The following TRIM58 variants were observed in gnomAD, a reference collection of about 807,000 sequenced individuals.
The protein encoded by TRIM58 is tripartite motif containing 58.
TRIM58 carries 38 observed loss-of-function variants against 34.1 expected under a neutral mutation model. That is an observed-to-expected ratio of 1.12 (90% CI 0.86 to 1.46). The LOEUF (loss-of-function observed/expected upper bound fraction) is 1.46. Among genes scored for constraint, TRIM58 ranks in the 40% most tolerant of loss-of-function variants. The pLI, the probability that TRIM58 is intolerant of heterozygous loss-of-function variation, is 0.00. For missense variants in TRIM58, 677 were observed against 642.0 expected, an observed-to-expected ratio of 1.05 and a Z score of -0.59; for synonymous variants, 273 against 275.7, an observed-to-expected ratio of 0.99 and a Z score of 0.10.
chr1:247,868,561 G>A (rs999666500), intron 5 of TRIM58, among the ~76,000 whole-genome samples: 2 of 152,132 alleles, frequency 1.3e-5, no homozygotes, highest in Non-Finnish European at 2.9e-5. Context: ...ATAGCACCAG[G>A]TTCCCCGGGT....
In TRIM58 at chr1:247,864,741, G is replaced by C. The variant is rs1274107668; in HGVS notation, c.553G>C (p.Glu185Gln). ...VEMQRQRFRL[E>Q]FEKHRGFLAQ... ...AATGCAGAGGCAGCGCTTCAGATTG[G>C]AGTTTGAGAAGCATCGTGGCTTTCT... The change falls in exon 3 of 6, where the codon GAG becomes CAG. Residue 185 changes from glutamate to glutamine, a missense_variant. Coordinates refer to ENST00000366481, the MANE Select transcript of TRIM58 (RefSeq NM_015431.4). 5 of 1,614,208 alleles carry C rather than the reference G, an allele frequency of 3.1e-6. No individual in the cohort carries two copies. Among genetic ancestry groups the C allele is most frequent in the Non-Finnish European group, 4.2e-6 (5 of 1,180,052 alleles).
In TRIM58 at chr1:247,864,844, A is replaced by G. The variant is rs1663884417; in HGVS notation, c.656A>G (p.Lys219Arg). 1.3e-5 allele frequency: 21 copies of G among 1,613,062 alleles called. No individual in the cohort carries two copies. Among genetic ancestry groups the G allele is most frequent in the Non-Finnish European group, 1.8e-5 (21 of 1,179,856 alleles). The change falls in exon 3 of 6, where the codon AAG becomes AGG. Residue 219 changes from lysine (K) to arginine (R), a missense_variant. Lys to Arg is a conservative substitution (Grantham distance 26, BLOSUM62 2). Coordinates refer to ENST00000366481, the MANE Select transcript of TRIM58 (RefSeq NM_015431.4). ...ACGCTGCAGAGACTGCGGGAGAGCAAGAGCCGGCTGGTCCAGCAGAGCAAG... is the reference window on the plus strand; with the variant it reads ...ACGCTGCAGAGACTGCGGGAGAGCAGGAGCCGGCTGGTCCAGCAGAGCAAG... ...RATLQRLRES[K>R]SRLVQQSKAL...
intron 5 of TRIM58, among the ~76,000 whole-genome samples, chr1:247,872,463 G>A (rs1659154300): frequency 6.6e-6 from 1 of 152,194 alleles, no homozygotes; most frequent in African/African-American, 2.4e-5. Flanking sequence ...CCAAGGTTTT[G>A]GATCTTGCGA....
intron 5 of TRIM58, among the ~76,000 whole-genome samples, chr1:247,869,310 G>A (rs546724817): frequency 1.5e-3 from 221 of 151,976 alleles, no homozygotes; most frequent in Non-Finnish European, 2.5e-3. Context: ...CCTCTTCAGA[G>A]GTGGGGGGGG....
In TRIM58 at chr1:247,857,251, C is replaced by T. The variant is rs1004303005; in HGVS notation, c.5C>T (p.Ala2Val). The change falls in exon 1 of 6, where the codon GCC (alanine) becomes GTC (valine). Residue 2 changes from alanine to valine, a missense_variant. Transcript: ENST00000366481. M[A>V]WAPPGERLRE... is the part of the protein sequence containing the mutation. The stretch of plus-strand genomic sequence containing the variant: ...CAGCCCTCCGGGAGGCGGGTCATGG[C>T]CTGGGCGCCGCCCGGGGAGCGGCTG... The T allele has an allele frequency of 7.5e-7, 1 of 1,326,888 alleles. No individual in the cohort carries two copies. The allele number at this position is 1,326,888 out of a possible 1,614,324, so 82.2% of individuals were successfully genotyped here.
chr1:247,858,567 T>C (rs372420855), intron 1 of TRIM58, among the ~76,000 whole-genome samples: 8 of 152,126 alleles, frequency 5.3e-5, no homozygotes, highest in African/African-American at 1.9e-4. Context: ...TTTATTTTGT[T>C]TGTTTTAAAT....
intron 5 of TRIM58, among the ~76,000 whole-genome samples, chr1:247,871,993 A>G (rs74152855): frequency 1.8e-3 from 269 of 152,336 alleles, no homozygotes; most frequent in African/African-American, 6.1e-3. Flanking sequence ...AGCAGAAATG[A>G]GCGCCAAGGC....
At chr1:247,874,687 C>T (rs113298407) in intron 5 of TRIM58, among the ~76,000 whole-genome samples, 12 of 152,142 alleles carry the variant, frequency 7.9e-5, no homozygotes, top group African/African-American at 1.9e-4. Flanking sequence ...TGTTATATAA[C>T]GCATAACTAC....
In TRIM58 at chr1:247,879,935, T is replaced by C. The variant is rs1659372835; in HGVS notation, c.*3446T>C. Among the ~76,000 whole-genome samples, 1 of 151,930 alleles carries C rather than the reference T, an allele frequency of 6.6e-6. No individual in the cohort carries two copies. The highest frequency in any genetic ancestry group is 1.5e-5 in the Non-Finnish European group (1 of 68,000). ...TTTGTTCCCCATACAGTACGTGTCG[T>C]CGTACTATATTGTTAGGCTTATTTA... On this transcript the variant is annotated 3_prime_UTR_variant, in exon 6 of 6. Transcript: ENST00000366481.
At position 247,876,297 on chromosome 1, in the gene TRIM58, A is replaced by G; in HGVS notation, c.1269A>G (p.Ser423=). The change falls in exon 6 of 6, where the codon TCA becomes TCG. Residue 423 remains serine (S), a synonymous_variant. Coordinates refer to ENST00000366481, the MANE Select transcript of TRIM58 (RefSeq NM_015431.4). ...IFLDYEAGEI[S]FYNVTDGSYI... is the part of the protein sequence containing the mutation. ...TGGACTATGAAGCCGGTGAAATTTC[A>G]TTCTACAATGTCACAGATGGATCTT... 2 of 1,614,174 alleles carry G rather than the reference A, an allele frequency of 1.2e-6. No homozygotes were observed. Among genetic ancestry groups the G allele is most frequent in the Non-Finnish European group, 1.7e-6 (2 of 1,180,034 alleles).
At chr1:247,858,395 C>G (rs1194402253) in intron 1 of TRIM58, among the ~76,000 whole-genome samples, 3 of 152,130 alleles carry the variant, frequency 2.0e-5, no homozygotes, top group Non-Finnish European at 4.4e-5. Flanking sequence ...TACTGGTGCC[C>G]TTCAAAAGTT....
At chr1:247,869,820 A>G (rs1659057049) in intron 5 of TRIM58, among the ~76,000 whole-genome samples, 1 of 152,262 alleles carries the variant, frequency 6.6e-6, no homozygotes, top group South Asian at 2.1e-4. Flanking sequence ...AAAGGCATAG[A>G]AAAAGTCTAA....
Position 247,876,738 on chromosome 1 carries a change from T to G in TRIM58, c.*249T>G, listed in dbSNP as rs756754966. 8 of 485,688 alleles carry G rather than the reference T, an allele frequency of 1.6e-5. No homozygotes were observed. The highest frequency in any genetic ancestry group is 2.2e-5 in the Non-Finnish European group (6 of 275,518). 30.1% of individuals were successfully genotyped at this position (485,688 alleles called of 1,614,324 possible). A position where few individuals can be genotyped will look rare whatever the true frequency, so the allele number is the denominator to read the frequency against. ...TCTAGATCACATTTTCTTGATGTCT[T>G]CCTTCAAATTAATGACCTTGGATTA... On this transcript the variant is annotated 3_prime_UTR_variant, in exon 6 of 6. Coordinates refer to ENST00000366481, the MANE Select transcript of TRIM58 (RefSeq NM_015431.4).
chr1:247,857,391 G>C lies in TRIM58; in HGVS notation c.145G>C (p.Gly49Arg), dbSNP rs1288965906. The C allele has an allele frequency of 6.6e-7, 1 of 1,523,980 alleles. No individual in the cohort carries two copies. The highest frequency in any genetic ancestry group is 2.7e-5 in the East Asian group (1 of 36,922). 94.4% of individuals were successfully genotyped at this position (1,523,980 alleles called of 1,614,324 possible). Residue 49 changes from glycine to arginine, a missense_variant, in exon 1 of 6, where the codon GGC becomes CGC. Physicochemically the swap from Gly to Arg is moderately radical, Grantham distance 125. Coordinates refer to ENST00000366481, the MANE Select transcript of TRIM58 (RefSeq NM_015431.4). Reference protein sequence around the residue: ...CISEFCEKSDGAQGGVYACPQ... With the variant: ...CISEFCEKSDRAQGGVYACPQ... Reference sequence around the variant, plus strand: ...CTCCGAGTTCTGCGAGAAGTCGGACGGCGCGCAGGGCGGCGTCTACGCCTG... The same window carrying C: ...CTCCGAGTTCTGCGAGAAGTCGGACCGCGCGCAGGGCGGCGTCTACGCCTG...
intron 5 of TRIM58, among the ~76,000 whole-genome samples, chr1:247,868,876 T>C (rs1276486342): frequency 1.3e-5 from 2 of 152,200 alleles, no homozygotes; most frequent in Non-Finnish European, 2.9e-5. Context: ...GTGTGTTCAG[T>C]GATCTGGAAG....
At chr1:247,869,542 G>A (rs1664011619) in intron 5 of TRIM58, among the ~76,000 whole-genome samples, 2 of 152,234 alleles carry the variant, frequency 1.3e-5, no homozygotes, top group African/African-American at 4.8e-5. Flanking sequence ...TCATAGGCAT[G>A]GTGAATGTAG....
Position 247,857,623 on chromosome 1 carries a change from C to T in TRIM58, c.377C>T (p.Thr126Met). The T allele has an allele frequency of 8.0e-7, 1 of 1,247,636 alleles. No individual in the cohort carries two copies. Among genetic ancestry groups the T allele is most frequent in the Non-Finnish European group, 1.0e-6 (1 of 997,546 alleles). 77.3% of individuals were successfully genotyped at this position (1,247,636 alleles called of 1,614,324 possible). ...TGCGACGCCGGCCCCGAGCACAGGA[C>T]GCACCGCACGGCGCCGCTGCAGGAG... ...WVCDAGPEHR[T>M]HRTAPLQEAA... Residue 126 changes from threonine (T) to methionine (M), a missense_variant, in exon 1 of 6, where the codon ACG becomes ATG. By Grantham distance (81) the Thr-to-Met change is moderately conservative (BLOSUM62 -1). Coordinates refer to ENST00000366481, the MANE Select transcript of TRIM58 (RefSeq NM_015431.4).
chr1:247,863,499 C>T (rs1663847961), intron 2 of TRIM58, among the ~76,000 whole-genome samples: 2 of 151,762 alleles, frequency 1.3e-5, no homozygotes, highest in Admixed American at 6.6e-5. Context: ...GATCGCGCCA[C>T]TGCACTCTAG....
rs1336567962 is a variant in TRIM58, at chr1:247,867,877, C to G, written c.770+10C>G. 2 of 1,614,070 alleles carry G rather than the reference C, an allele frequency of 1.2e-6. No individual in the cohort carries two copies. The highest frequency in any genetic ancestry group is 3.3e-5 in the Admixed American group (2 of 59,998). ...GAGGAGTCCTGAGCAGGTATGTGTG[C>G]TTTCTGAATTGGTGAAGGGATTGGG... On this transcript the variant is annotated intron_variant, in intron 4 of 5. Coordinates refer to ENST00000366481, the MANE Select transcript of TRIM58 (RefSeq NM_015431.4).
Sources: allele counts gnomAD v4.1 joint callset (sites outside exome capture counted in the v4.1 genomes callset), GRCh38; gene constraint gnomAD v4.1.1; transcripts MANE v1.5; gene names NCBI Gene and HGNC (gene_info 2026-07-23, HGNC 2026-07-21).